APP: variants seen among roughly 807,000 people sequenced by gnomAD.
The protein encoded by APP is amyloid beta precursor protein, also known as amyloid-beta precursor protein.
A neutral mutation model predicts 101.4 loss-of-function variants in APP; 31 were observed. That is an observed-to-expected ratio of 0.31 (90% CI 0.23 to 0.41). The LOEUF (loss-of-function observed/expected upper bound fraction) is 0.41, where lower values mean the gene tolerates loss of function less well. APP is among the 10% of genes least tolerant of loss of function. The pLI is 1.00. For synonymous variants in APP, 366 were observed against 364.4 expected (o/e 1.00, Z -0.05); for missense variants, 839 against 1,003.7 (o/e 0.84, Z 2.22).
chr21:26,065,026 G>C (rs1012489148), intron 3 of APP, among the ~76,000 whole-genome samples: 2 of 152,172 alleles, frequency 1.3e-5, no homozygotes, highest in Non-Finnish European at 2.9e-5. Context: ...GCTGGTTTTT[G>C]TATTTTTAGT....
rs2046096218 is a variant in APP, at chr21:26,057,619, C to G, written c.356-4271G>C. 2.0e-5 allele frequency among the ~76,000 whole-genome samples: 3 copies of G among 152,270 alleles called. No homozygotes were observed. In the South Asian group the frequency reaches 6.2e-4, roughly 32 times the overall value. On this transcript the variant is annotated intron_variant, in intron 3 of 17. Coordinates refer to ENST00000346798, the MANE Select transcript of APP (RefSeq NM_000484.4). ...TCAATAGGAGTCTGCAGGCCTCAAT[C>G]TGCTAGCTCTTTGGTGGTCTTTGGG...
At chr21:25,978,723 G>A (rs962281220) in intron 9 of APP, among the ~76,000 whole-genome samples, 7 of 152,220 alleles carry the variant, frequency 4.6e-5, no homozygotes, top group East Asian at 1.9e-4. Context: ...GGAGGCCCAG[G>A]CGGGTGGATC....
At chr21:26,098,081 G>GAAAAAAAAAAAAAAAAAAAAA (rs757879199) in intron 2 of APP, among the ~76,000 whole-genome samples, 1 of 54,382 alleles carries the variant, frequency 1.8e-5, no homozygotes, top group South Asian at 6.6e-4. Context: ...CTCTGTCTCA[G>GAAAAAAAAAAAAAAAAAAAAA]AAAAAAAAAA....
chr21:26,106,589 G>A (rs2062188308), intron 2 of APP, among the ~76,000 whole-genome samples: 1 of 151,552 alleles, frequency 6.6e-6, no homozygotes, highest in Non-Finnish European at 1.5e-5. Context: ...GGGCCCAAGC[G>A]ATCCTCTCAC....
At chr21:26,053,099 T>C in intron 4 of APP, 137 bp downstream of exon 4, 1 of 751,474 alleles carries the variant, frequency 1.3e-6, no homozygotes. Context: ...AAATCTGGGT[T>C]ACGGATAGTA....
At chr21:25,971,627 T>C (rs938122056) in intron 11 of APP, among the ~76,000 whole-genome samples, 6 of 152,180 alleles carry the variant, frequency 3.9e-5, no homozygotes, top group Admixed American at 3.9e-4. Flanking sequence ...CCTGAGAATA[T>C]AGCTGAGTAA....
intron 15 of APP, among the ~76,000 whole-genome samples, chr21:25,903,196 G>A (rs546207435): frequency 2.6e-5 from 4 of 151,564 alleles, no homozygotes; most frequent in Non-Finnish European, 5.9e-5. Flanking sequence ...GTGAAATCCC[G>A]TCTCTACTGA....
chr21:25,982,042 T>TAC (rs2042452943), intron 9 of APP, among the ~76,000 whole-genome samples: 4 of 152,220 alleles, frequency 2.6e-5, no homozygotes, highest in African/African-American at 9.6e-5. Flanking sequence ...ACATGTTGAT[T>TAC]ACAGGTACTA....
chr21:26,158,050 T>C (rs1454309820), intron 1 of APP: 2 of 152,264 alleles, frequency 1.3e-5, no homozygotes, highest in African/African-American at 4.8e-5. Flanking sequence ...GCCACTGCTG[T>C]CCACACAGGG....
At chr21:26,160,943 G>C (rs991691125) in intron 1 of APP, among the ~76,000 whole-genome samples, 1 of 152,016 alleles carries the variant, frequency 6.6e-6, no homozygotes. Context: ...ACAATAAAAT[G>C]TTCCAAAAAG....
Position 25,975,168 on chromosome 21 carries a change from C to T in APP, c.1360G>A (p.Val454Met). 6.2e-7 allele frequency: 1 copy of T among 1,614,158 alleles called. No homozygotes were observed. The highest frequency in any genetic ancestry group is 8.5e-7 in the Non-Finnish European group (1 of 1,180,020). The change falls in exon 11 of 18, where the codon GTG becomes ATG. Residue 454 changes from valine to methionine, a missense_variant. By Grantham distance (21) the Val-to-Met change is conservative. Coordinates refer to ENST00000346798, the MANE Select transcript of APP (RefSeq NM_000484.4). ...TCCACTCTGGCCATGTGTGTCTCCA[C>T]CAGCTGCTGTCTCTCGTTGGCTGCT... ...QEAANERQQL[V>M]ETHMARVEAM...
intron 8 of APP, among the ~76,000 whole-genome samples, chr21:25,992,520 G>C (rs1188775707): frequency 6.6e-6 from 1 of 152,126 alleles, no homozygotes; most frequent in Non-Finnish European, 1.5e-5. Flanking sequence ...AGCACTTCTG[G>C]TCCCATTTTA....
rs1399716859 is a variant in APP at position 25,891,664 on chromosome 21, GC to G, written c.2211+57del. ...TAGCTAGTTCTTAGCAAAAAGCTAA[GC>G]CTAATTCTCTCATAGTCTTAATTCC... On this transcript the variant is annotated intron_variant, in intron 17 of 17. Transcript: ENST00000346798. 1.2e-5 allele frequency: 18 copies of G among 1,564,258 alleles called. No individual in the cohort carries two copies. The African/African-American group carries it at 2.3e-4, about 20-fold the overall frequency.
chr21:25,900,611 T>A (rs1400954181), intron 15 of APP, among the ~76,000 whole-genome samples: 4 of 152,020 alleles, frequency 2.6e-5, no homozygotes, highest in Non-Finnish European at 4.4e-5. Flanking sequence ...GTTAGAACTA[T>A]ATTTCTGAGA....
chr21:25,953,462 G>A (rs2041182539), intron 13 of APP, among the ~76,000 whole-genome samples: 1 of 152,166 alleles, frequency 6.6e-6, no homozygotes, highest in South Asian at 2.1e-4. Flanking sequence ...TTCAAAGTCG[G>A]ACTTACTGTA....
At chr21:26,082,792 C>T (rs1319795320) in intron 3 of APP, among the ~76,000 whole-genome samples, 1 of 152,188 alleles carries the variant, frequency 6.6e-6, no homozygotes, top group Non-Finnish European at 1.5e-5. Flanking sequence ...GGGAGGCCCA[C>T]ATTTCACCCA....
rs145033711 is a variant in APP, at chr21:26,088,314, T to C, written c.355+1629A>G. On this transcript the variant is annotated intron_variant, in intron 3 of 17. Coordinates refer to ENST00000346798, the MANE Select transcript of APP (RefSeq NM_000484.4). ...TTCCATCAACTTTAATACAAATCAT[T>C]CTGAATAGAATATGAAGCAGAAAAA... Among the ~76,000 whole-genome samples the C allele has an allele frequency of 2.3e-4, 35 of 152,300 alleles. No homozygotes were observed. The East Asian group carries it at 6.4e-3, about 28-fold the overall frequency.
intron 1 of APP, among the ~76,000 whole-genome samples, chr21:26,152,754 A>T (rs188197261): frequency 1.3e-3 from 201 of 152,332 alleles, no homozygotes; most frequent in Non-Finnish European, 2.1e-3. Flanking sequence ...AAGAGTTAAA[A>T]GTAGATCTAC....
At chr21:26,009,362 A>G (rs1440618478) in intron 6 of APP, among the ~76,000 whole-genome samples, 1 of 152,200 alleles carries the variant, frequency 6.6e-6, no homozygotes, top group Non-Finnish European at 1.5e-5. Flanking sequence ...AAGCAACATT[A>G]AAACAGCTTC....
Sources: gnomAD v4.1 joint callset for allele counts (sites outside exome capture counted in the v4.1 genomes callset) on GRCh38, gnomAD v4.1.1 for gene constraint, MANE v1.5 for transcripts, NCBI Gene and HGNC (gene_info 2026-07-23, HGNC 2026-07-21) for gene names.